Variants in PER3 observed in about 807,000 individuals in gnomAD.
PER3 encodes period circadian regulator 3.
PER3 carries 107 observed loss-of-function variants against 127.2 expected under a neutral mutation model. That is an observed-to-expected ratio of 0.84 (90% CI 0.72 to 0.99). The LOEUF (loss-of-function observed/expected upper bound fraction) is 0.99, where lower values mean the gene tolerates loss of function less well. Ranked by LOEUF, PER3 falls within the 50% of genes least tolerant of loss-of-function variation. The pLI is 0.00. For missense variants in PER3, 1,560 were observed against 1,525.8 expected, an observed-to-expected ratio of 1.02 and a Z score of -0.37; for synonymous variants, 618 against 585.8, an observed-to-expected ratio of 1.05 and a Z score of -0.79.
rs386628220 is a variant in PER3, at chr1:7,801,097, GT to G, written c.794-7del. 32 of 1,276,794 alleles carry G rather than the reference GT, an allele frequency of 2.5e-5. No homozygotes were observed. Among genetic ancestry groups the G allele is most frequent in the Admixed American group, 9.8e-5 (5 of 51,160 alleles). 79.1% of individuals were successfully genotyped at this position (1,276,794 alleles called of 1,614,324 possible). A position where few individuals can be genotyped will look rare whatever the true frequency, so the allele number is the denominator to read the frequency against. ...GATATTTGCCTTTAAATGGGTCTTT[GT>G]TTTTTTTTCCTTAGCTCCTCGGATC... On this transcript the variant is annotated splice_polypyrimidine_tract_variant and intron_variant, in intron 7 of 21. Transcript: ENST00000377532.
chr1:7,793,788 T>A (rs1048758946), intron 5 of PER3, among the ~76,000 whole-genome samples, 169 bp from the exon 6 acceptor site: 1 of 152,192 alleles, frequency 6.6e-6, no homozygotes, highest in Non-Finnish European at 1.5e-5. Context: ...TATTTCCCAA[T>A]TCTAGTATTG....
Position 7,798,923 on chromosome 1 carries a change from G to A in PER3, c.793+250G>A, listed in dbSNP as rs554010853. ...CAGCACAGGACTTGGTGACAGATAC[G>A]GTTTTCTAGTCCTCTCTCTGCTGGT... On this transcript the variant is annotated intron_variant, in intron 7 of 21. Transcript: ENST00000377532. Among the ~76,000 whole-genome samples the A allele has an allele frequency of 6.6e-5, 10 of 152,216 alleles. No homozygotes were observed. In the East Asian group the frequency reaches 1.4e-3, roughly 21 times the overall value.
Position 7,842,881 on chromosome 1 carries a change from T to G in PER3, c.*126T>G, listed in dbSNP as rs1354918663. On this transcript the variant is annotated 3_prime_UTR_variant, in exon 22 of 22. Coordinates refer to ENST00000377532, the MANE Select transcript of PER3 (RefSeq NM_001377275.1). ...ATGTTAAGATTTTTTCTTCTTGATT[T>G]TTTAATACACGTAATCTTTTTGAAG... 6 of 657,854 alleles carry G rather than the reference T, an allele frequency of 9.1e-6. No individual in the cohort carries two copies. The highest frequency in any genetic ancestry group is 2.9e-4 in the Middle Eastern group (1 of 3,490). 40.8% of individuals were successfully genotyped at this position (657,854 alleles called of 1,614,324 possible). A position where few individuals can be genotyped will look rare whatever the true frequency, so the allele number is the denominator to read the frequency against.
In PER3 at chr1:7,835,915, G is replaced by A. The variant is rs756229978; in HGVS notation, c.3368G>A (p.Arg1123His). 30 of 1,608,854 alleles carry A rather than the reference G, an allele frequency of 1.9e-5. 1 individual carries two copies. Among genetic ancestry groups the A allele is most frequent in the Admixed American group, 8.3e-5 (5 of 59,946 alleles). Residue 1123 changes from arginine (R) to histidine (H), a missense_variant, in exon 20 of 22, where the codon CGC becomes CAC. By Grantham distance (29) the Arg-to-His change is conservative. Around this residue, in one of 3 missense-constraint regions of PER3, gnomAD observed 199 missense variants for 198.6 expected, o/e 1.00. Transcript: ENST00000377532. ...AGAATGATACGGCAGACACCTGAGC[G>A]CATTCTCATGACATACCAGGTACCT... ...IWRMIRQTPE[R>H]ILMTYQVPER...
chr1:7,802,544 C>T (rs2097175061), intron 8 of PER3, among the ~76,000 whole-genome samples: 1 of 152,180 alleles, frequency 6.6e-6, no homozygotes, highest in Non-Finnish European at 1.5e-5. Context: ...GGATTACAGG[C>T]GTGAGCCACC....
chr1:7,812,232 T>C (rs1020854933), intron 13 of PER3, among the ~76,000 whole-genome samples: 13 of 151,666 alleles, frequency 8.6e-5, no homozygotes, highest in Admixed American at 7.9e-4. Flanking sequence ...CAGTTTCTTA[T>C]CATCGACCAT....
At chr1:7,790,048 C>T (rs2097111930) in intron 5 of PER3, among the ~76,000 whole-genome samples, 1 of 152,220 alleles carries the variant, frequency 6.6e-6, no homozygotes, top group African/African-American at 2.4e-5. Context: ...GTGAACAGGA[C>T]ATACACAATA....
rs2097077413 is a variant in PER3 at position 7,784,809 on chromosome 1, C to T, written c.-69C>T. The T allele has an allele frequency of 7.3e-7, 1 of 1,378,052 alleles. No individual in the cohort carries two copies. Among genetic ancestry groups the T allele is most frequent in the Non-Finnish European group, 9.3e-7 (1 of 1,072,134 alleles). 85.4% of individuals were successfully genotyped at this position (1,378,052 alleles called of 1,614,324 possible). A position where few individuals can be genotyped will look rare whatever the true frequency, so the allele number is the denominator to read the frequency against. On this transcript the variant is annotated 5_prime_UTR_variant, in exon 2 of 22. Coordinates refer to ENST00000377532, the MANE Select transcript of PER3 (RefSeq NM_001377275.1). The stretch of plus-strand genomic sequence containing the variant: ...GTGAGAAACCGGTGTCTGTCACTGA[C>T]TGCAAAGTGAGCGAGAAGCAGGCTG...
chr1:7,812,927 A>T (rs2097227141), intron 13 of PER3, among the ~76,000 whole-genome samples: 1 of 152,232 alleles, frequency 6.6e-6, no homozygotes, highest in South Asian at 2.1e-4. Context: ...TAAAAATGTT[A>T]TAATTTAAAT....
intron 19 of PER3, among the ~76,000 whole-genome samples, chr1:7,834,236 A>G (rs766309643): frequency 2.0e-5 from 3 of 151,462 alleles, no homozygotes; most frequent in African/African-American, 2.4e-5. Flanking sequence ...AGGTTGTACA[A>G]TGCACATCTT....
At position 7,842,823 on chromosome 1, in the gene PER3, T is replaced by C; in HGVS notation, c.*68T>C. On this transcript the variant is annotated 3_prime_UTR_variant, in exon 22 of 22. Transcript: ENST00000377532. ...TACACAGACAGACCTTTTTAAGTCCTGGACTTTTAAATGACCATGAAGTTA... is the reference window on the plus strand; with the variant it reads ...TACACAGACAGACCTTTTTAAGTCCCGGACTTTTAAATGACCATGAAGTTA... The C allele has an allele frequency of 7.4e-7, 1 of 1,349,978 alleles. No individual in the cohort carries two copies. Among genetic ancestry groups the C allele is most frequent in the Non-Finnish European group, 1.0e-6 (1 of 973,196 alleles). 83.6% of individuals were successfully genotyped at this position (1,349,978 alleles called of 1,614,324 possible).
intron 21 of PER3, among the ~76,000 whole-genome samples, chr1:7,838,370 C>T (rs1357265476): frequency 1.3e-5 from 2 of 152,108 alleles, no homozygotes; most frequent in Admixed American, 1.3e-4. Flanking sequence ...TTCCCCATTC[C>T]TCCTTCTCCC....
At chr1:7,800,973 G>A in intron 7 of PER3, 140 bp from the exon 8 acceptor site, 1 of 634,490 alleles carries the variant, frequency 1.6e-6, no homozygotes, top group Non-Finnish European at 2.8e-6. Flanking sequence ...AGCTTTGGCT[G>A]CTTGAAGGCC....
At chr1:7,785,055 C>T (rs1437447462) in intron 2 of PER3, 50 bp downstream of exon 2, 1 of 1,552,876 alleles carries the variant, frequency 6.4e-7, no homozygotes, top group Non-Finnish European at 8.6e-7. Flanking sequence ...TTGTCCTTCC[C>T]TGGAGCAGGG....
chr1:7,786,918 TAAC>T (rs2097094192), intron 4 of PER3, 82 bp downstream of exon 4: 1 of 796,706 alleles, frequency 1.3e-6, no homozygotes, highest in Non-Finnish European at 2.2e-6. Flanking sequence ...TTAAGAAGGA[TAAC>T]AACGTTTCAG....
intron 13 of PER3, among the ~76,000 whole-genome samples, 198 bp from the exon 14 acceptor site, chr1:7,819,087 G>T (rs772189229): frequency 6.6e-6 from 1 of 152,104 alleles, no homozygotes; most frequent in Non-Finnish European, 1.5e-5. Flanking sequence ...AATGTGCTCT[G>T]CACCTTATTT....
chr1:7,809,766 C>A, intron 11 of PER3, 127 bp from the exon 12 acceptor site: 1 of 892,534 alleles, frequency 1.1e-6, no homozygotes, highest in Non-Finnish European at 1.7e-6. Context: ...AAAGTACCAA[C>A]CTGCACACAC....
intron 19 of PER3, 86 bp from the exon 20 acceptor site, chr1:7,835,676 C>A: frequency 7.5e-6 from 7 of 937,526 alleles, no homozygotes; most frequent in Non-Finnish European, 1.2e-5. Flanking sequence ...GAGGACTGTC[C>A]GAGGCAAGAG....
chr1:7,837,081 A>G lies in PER3; in HGVS notation c.3481A>G (p.Lys1161Glu), dbSNP rs780895529. The change falls in exon 21 of 22, where the codon AAG becomes GAG. Residue 1161 changes from lysine to glutamate, a missense_variant. This residue lies in a region of PER3 where 199 missense variants were observed against 198.6 expected (regional missense o/e 1.00). Transcript: ENST00000377532. ...QQQPQFSHGQ[K>E]EELAKVYNWI... Reference sequence around the variant, plus strand: ...GCAGCCCCAGTTTTCTCATGGGCAAAAGGAGGAGCTGGCTAAGGTGTATAA... The same window carrying G: ...GCAGCCCCAGTTTTCTCATGGGCAAGAGGAGGAGCTGGCTAAGGTGTATAA... 6.8e-6 allele frequency: 11 copies of G among 1,614,090 alleles called. No individual in the cohort carries two copies. In the South Asian group the frequency reaches 1.2e-4, roughly 18 times the overall value.
Sources: allele counts gnomAD v4.1 joint callset (sites outside exome capture counted in the v4.1 genomes callset), GRCh38; gene constraint gnomAD v4.1.1; regional missense constraint gnomAD v4.1.1; transcripts MANE v1.5; gene names NCBI Gene and HGNC (gene_info 2026-07-23, HGNC 2026-07-21).